DNAH14: variants seen among roughly 807,000 people sequenced by gnomAD.
DNAH14 encodes the protein axonemal beta dynein heavy chain 14.
In DNAH14, 478 loss-of-function variants were observed where a neutral mutation model predicts 520.9. That is an observed-to-expected ratio of 0.92 (90% CI 0.85 to 0.99). The LOEUF is 0.99. DNAH14 is among the 50% of genes least tolerant of loss of function. The pLI is 0.00. For synonymous variants in DNAH14, 1,581 were observed against 1,757.2 expected (o/e 0.90, Z 2.51); for missense variants, 4,831 against 5,234.5 (o/e 0.92, Z 2.38).
intron 23 of DNAH14, among the ~76,000 whole-genome samples, chr1:225,104,790 G>T (rs1262319057): frequency 6.6e-6 from 1 of 151,716 alleles, no homozygotes; most frequent in African/African-American, 2.4e-5. Flanking sequence ...TTCTCTATTA[G>T]TCTTGCTAGC....
intron 58 of DNAH14, among the ~76,000 whole-genome samples, chr1:225,306,617 C>T (rs982315489): frequency 6.6e-6 from 1 of 152,084 alleles, no homozygotes; most frequent in African/African-American, 2.4e-5. Flanking sequence ...ATGACCAGTC[C>T]CTATCACAGT....
chr1:225,195,720 T>C (rs1175622167), intron 38 of DNAH14, among the ~76,000 whole-genome samples: 2 of 151,968 alleles, frequency 1.3e-5, no homozygotes, highest in Non-Finnish European at 2.9e-5. Flanking sequence ...AGAAAATCGA[T>C]AGAAAAATTA....
intron 4 of DNAH14, 67 bp downstream of exon 4, chr1:224,960,369 T>C (rs2060770218): frequency 1.4e-6 from 2 of 1,406,276 alleles, no homozygotes; most frequent in South Asian, 1.9e-5. Flanking sequence ...CTGTGGTTTG[T>C]GTGCTTATAT....
At chr1:224,986,964 T>C (rs2062685953) in intron 8 of DNAH14, among the ~76,000 whole-genome samples, 1 of 152,190 alleles carries the variant, frequency 6.6e-6, no homozygotes, top group South Asian at 2.1e-4. Flanking sequence ...TTTGAATTAA[T>C]AAACAAATTC....
rs2093134016 is a variant in DNAH14, at chr1:225,266,773, C to T, written c.7539+4C>T. 7 of 1,489,024 alleles carry T rather than the reference C, an allele frequency of 4.7e-6. No homozygotes were observed. The East Asian group carries it at 1.3e-4, about 28-fold the overall frequency. 92.2% of individuals were successfully genotyped at this position (1,489,024 alleles called of 1,614,324 possible). ...TACTGAAAAAAATACATGGAAGGTA[C>T]AGTATATACTAAGATTTTGTTCACA... On this transcript the variant is annotated splice_donor_region_variant and intron_variant, in intron 49 of 85. Coordinates refer to ENST00000682510, the MANE Select transcript of DNAH14 (RefSeq NM_001367479.1).
At chr1:225,377,202 T>A (rs1449653230) in intron 78 of DNAH14, 35 bp from the exon 79 acceptor site, 4 of 1,396,618 alleles carry the variant, frequency 2.9e-6, no homozygotes, top group Non-Finnish European at 3.7e-6. Flanking sequence ...GTAGCAGGAT[T>A]GAAGAAAAAA....
intron 52 of DNAH14, among the ~76,000 whole-genome samples, chr1:225,273,356 G>A (rs995454206): frequency 1.2e-4 from 19 of 152,316 alleles, no homozygotes; most frequent in Admixed American, 8.5e-4. Flanking sequence ...GCGTGAACCC[G>A]GGAGGCGGAG....
chr1:225,132,951 G>C (rs2078580542), intron 27 of DNAH14, among the ~76,000 whole-genome samples: 1 of 152,024 alleles, frequency 6.6e-6, no homozygotes, highest in African/African-American at 2.4e-5. Context: ...TTGTAGTTTT[G>C]ATTTGCATTT....
At chr1:225,001,403 C>T (rs1249009420) in intron 8 of DNAH14, among the ~76,000 whole-genome samples, 2 of 152,096 alleles carry the variant, frequency 1.3e-5, no homozygotes, top group Non-Finnish European at 2.9e-5. Context: ...TAATACCCAG[C>T]AGTTCTAGTT....
At position 225,163,071 on chromosome 1, in the gene DNAH14, G is replaced by T. The variant is rs148096969; in HGVS notation, c.5445+3586G>T. Reference sequence around the variant, plus strand: ...GAGAATCGCTTGAACCTGGGAGACAGAGGTTGCAGTGAGCCAAGATTGTGC... The same window carrying T: ...GAGAATCGCTTGAACCTGGGAGACATAGGTTGCAGTGAGCCAAGATTGTGC... On this transcript the variant is annotated intron_variant, in intron 35 of 85. Transcript: ENST00000682510. Among the ~76,000 whole-genome samples the T allele has an allele frequency of 2.1e-3, 298 of 143,606 alleles. 1 individual carries two copies. The highest frequency in any genetic ancestry group is 7.3e-3 in the African/African-American group (284 of 38,902). 94.2% of individuals were successfully genotyped at this position (143,606 alleles called of 152,430 possible).
At chr1:225,310,695 G>A (rs1395311817) in intron 60 of DNAH14, among the ~76,000 whole-genome samples, 4 of 152,174 alleles carry the variant, frequency 2.6e-5, no homozygotes, top group African/African-American at 9.7e-5. Context: ...AGAATATGCA[G>A]TGTTTGGTTT....
At chr1:224,934,940 ATGAAGTCATTCCTAGACAAATGC>A (rs2125346825) in intron 1 of DNAH14, among the ~76,000 whole-genome samples, 1 of 151,950 alleles carries the variant, frequency 6.6e-6, no homozygotes, top group South Asian at 2.1e-4. Context: ...TGAAGGAGAA[ATGAAGTCATTCCTAGACAAATGC>A]TGAAGGAATT....
At chr1:225,214,559 C>A (rs1237209659) in intron 41 of DNAH14, among the ~76,000 whole-genome samples, 1 of 152,114 alleles carries the variant, frequency 6.6e-6, no homozygotes, top group Non-Finnish European at 1.5e-5. Context: ...GGTTGGTAGG[C>A]TATTAACTAT....
chr1:225,307,375 G>T, intron 58 of DNAH14, 86 bp from the exon 59 acceptor site: 2 of 931,104 alleles, frequency 2.1e-6, no homozygotes, highest in South Asian at 1.7e-5. Flanking sequence ...GCCATAATTT[G>T]GTGTAATTCT....
chr1:225,010,344 T>G (rs1302524125), intron 10 of DNAH14, among the ~76,000 whole-genome samples: 1 of 152,216 alleles, frequency 6.6e-6, no homozygotes, highest in African/African-American at 2.4e-5. Context: ...CTGCATCTAT[T>G]GAGATAATCA....
At chr1:225,065,780 A>C (rs186744946) in intron 17 of DNAH14, among the ~76,000 whole-genome samples, 5 of 152,208 alleles carry the variant, frequency 3.3e-5, no homozygotes, top group Admixed American at 3.3e-4. Context: ...TGATAGACAC[A>C]TAGTGTCCAC....
intron 69 of DNAH14, among the ~76,000 whole-genome samples, chr1:225,344,784 A>G (rs6664320): frequency 0.6 from 90,153 of 151,072 alleles, 28,061 homozygotes; most frequent in East Asian, 0.77. Flanking sequence ...GCACAATCTC[A>G]GCTCACTGCA....
intron 23 of DNAH14, among the ~76,000 whole-genome samples, chr1:225,111,042 A>T (rs1194954601): frequency 6.6e-6 from 1 of 152,072 alleles, no homozygotes; most frequent in Non-Finnish European, 1.5e-5. Flanking sequence ...GTGGCCTAAC[A>T]TATCATTCTT....
At chr1:225,291,797 G>A (rs1237927764) in intron 55 of DNAH14, among the ~76,000 whole-genome samples, 1 of 151,992 alleles carries the variant, frequency 6.6e-6, no homozygotes, top group Non-Finnish European at 1.5e-5. Context: ...AGCTTATCAT[G>A]GTTTTGATTT....
Sources: gnomAD v4.1 joint callset for allele counts (sites outside exome capture counted in the v4.1 genomes callset) on GRCh38, gnomAD v4.1.1 for gene constraint, MANE v1.5 for transcripts, NCBI Gene and HGNC (gene_info 2026-07-23, HGNC 2026-07-21) for gene names.